ADORA2B: variants seen among roughly 807,000 people sequenced by gnomAD.
The protein encoded by ADORA2B is adenosine receptor A2b.
ADORA2B carries 18 observed loss-of-function variants against 20.8 expected under a neutral mutation model. The ratio of observed to expected loss-of-function variants is 0.87; its 90% CI spans 0.60 to 1.29. The LOEUF (loss-of-function observed/expected upper bound fraction) is 1.29, where lower values mean the gene tolerates loss of function less well. Among genes scored for constraint, ADORA2B ranks in the 50% most tolerant of loss-of-function variants. The pLI is 0.00. For synonymous variants in ADORA2B, 179 were observed against 178.3 expected (o/e 1.00, Z -0.03); for missense variants, 441 against 422.7 (o/e 1.04, Z -0.38).
At chr17:15,927,189 A>G in the ADORA2B span, among the ~76,000 whole-genome samples, 3,802 of 152,144 alleles carry the variant, frequency 0.025, 165 homozygotes, top group African/African-American at 0.087. Context: ...TCTACTAAAA[A>G]TACAAAAAAT....
chr17:15,961,522 T>G (rs1970042849), intron 1 of ADORA2B, among the ~76,000 whole-genome samples: 1 of 152,242 alleles, frequency 6.6e-6, no homozygotes, highest in Non-Finnish European at 1.5e-5. Flanking sequence ...GGTTCTTCAC[T>G]GTAAGGGTAT....
chr17:15,896,126 T>C, the ADORA2B span, among the ~76,000 whole-genome samples: 914 of 152,296 alleles, frequency 6.0e-3, 17 homozygotes, highest in African/African-American at 0.02. Context: ...CTATGCTGCA[T>C]AGAGACCTTA....
Position 15,971,647 on chromosome 17 carries a change from T to G in ADORA2B, c.336-3032T>G, listed in dbSNP as rs1401850867. On this transcript the variant is annotated intron_variant, in intron 1 of 1. Transcript: ENST00000304222. ...AATGGCCATTTTTTTTTTTTTTTTTTGAGATGGAATCTCACTCTGTCGCCC... is the reference window on the plus strand; with the variant it reads ...AATGGCCATTTTTTTTTTTTTTTTTGGAGATGGAATCTCACTCTGTCGCCC... 2.7e-5 allele frequency among the ~76,000 whole-genome samples: 4 copies of G among 147,900 alleles called. No individual in the cohort carries two copies. The East Asian group carries it at 7.9e-4, about 29-fold the overall frequency.
chr17:15,947,309 T>C (rs886147652), intron 1 of ADORA2B, among the ~76,000 whole-genome samples: 1 of 152,222 alleles, frequency 6.6e-6, no homozygotes, highest in African/African-American at 2.4e-5. Flanking sequence ...TGGAAACCCC[T>C]TGGACTTGCC....
rs538382569 is a variant in ADORA2B at position 15,960,853 on chromosome 17, G to A, written c.336-13826G>A. On this transcript the variant is annotated intron_variant, in intron 1 of 1. Transcript: ENST00000304222. ...ATCATGCCACTGCACTCCAGCCTGG[G>A]CGACAGAGCAAGACTCCGTCTCAAA... is the stretch of plus-strand genomic sequence containing the variant. Among the ~76,000 whole-genome samples the A allele has an allele frequency of 4.6e-5, 7 of 150,720 alleles. No individual in the cohort carries two copies. In the South Asian group the frequency reaches 1.5e-3, roughly 32 times the overall value.
chr17:15,868,994 A>C, the ADORA2B span, among the ~76,000 whole-genome samples: 1 of 151,900 alleles, frequency 6.6e-6, no homozygotes, highest in South Asian at 2.1e-4. Context: ...ACTATAATTT[A>C]AAAAATTTAC....
the ADORA2B span, among the ~76,000 whole-genome samples, chr17:15,869,496 G>C: frequency 6.6e-6 from 1 of 152,090 alleles, no homozygotes; most frequent in Non-Finnish European, 1.5e-5. Flanking sequence ...GTTATATTAT[G>C]ACCTATAATT....
the ADORA2B span, among the ~76,000 whole-genome samples, chr17:15,872,884 A>G: frequency 6.6e-6 from 1 of 152,136 alleles, no homozygotes; most frequent in Admixed American, 6.6e-5. Context: ...TCCAATCCGG[A>G]TACCCTTTAT....
At chr17:15,918,689 C>T in the ADORA2B span, among the ~76,000 whole-genome samples, 2 of 152,068 alleles carry the variant, frequency 1.3e-5, no homozygotes, top group African/African-American at 4.8e-5. Context: ...CCAGGCTGGT[C>T]TCAAACTCCT....
the ADORA2B span, among the ~76,000 whole-genome samples, chr17:15,927,674 G>A: frequency 1.1e-4 from 17 of 152,094 alleles, no homozygotes; most frequent in African/African-American, 3.9e-4. Context: ...TAAAAGTAAG[G>A]CCTGGCTAGC....
chr17:15,967,418 A>AGACG (rs942417963), intron 1 of ADORA2B, among the ~76,000 whole-genome samples: 1 of 152,144 alleles, frequency 6.6e-6, no homozygotes, highest in Non-Finnish European at 1.5e-5. Context: ...TTTTTAGTGG[A>AGACG]GACGGCTTCA....
intron 1 of ADORA2B, among the ~76,000 whole-genome samples, chr17:15,965,178 A>C (rs1288755494): frequency 6.6e-6 from 1 of 152,264 alleles, no homozygotes; most frequent in East Asian, 1.9e-4. Flanking sequence ...CTAGTGGTTT[A>C]TAAGCTGAAG....
chr17:15,851,845 C>T, the ADORA2B span, among the ~76,000 whole-genome samples: 14 of 152,224 alleles, frequency 9.2e-5, no homozygotes, highest in South Asian at 1.0e-3. Flanking sequence ...TGTCCTGGCA[C>T]GTTGAAAAAC....
At chr17:15,968,300 T>C (rs1016682940) in intron 1 of ADORA2B, among the ~76,000 whole-genome samples, 3 of 152,126 alleles carry the variant, frequency 2.0e-5, no homozygotes, top group African/African-American at 4.8e-5. Flanking sequence ...AACCCACATA[T>C]ACGGAGGGCT....
At chr17:15,893,187 G>C in the ADORA2B span, among the ~76,000 whole-genome samples, 1 of 152,180 alleles carries the variant, frequency 6.6e-6, no homozygotes, top group East Asian at 1.9e-4. Context: ...CTCTCCTAGA[G>C]ACCTAACCGG....
At chr17:15,911,618 A>ATG in the ADORA2B span, among the ~76,000 whole-genome samples, 7 of 152,262 alleles carry the variant, frequency 4.6e-5, no homozygotes, top group African/African-American at 1.7e-4. Flanking sequence ...CTCTATCCTG[A>ATG]TCCCTTTAGG....
chr17:15,968,840 C>T (rs1181232943), intron 1 of ADORA2B, among the ~76,000 whole-genome samples: 1 of 152,172 alleles, frequency 6.6e-6, no homozygotes, highest in African/African-American at 2.4e-5. Context: ...GCCCAAATAG[C>T]AGGTGCATAG....
chr17:15,891,158 C>T, the ADORA2B span, among the ~76,000 whole-genome samples: 1 of 152,242 alleles, frequency 6.6e-6, no homozygotes, highest in South Asian at 2.1e-4. Flanking sequence ...CCCAGCTACT[C>T]AGGAGGCTGA....
chr17:15,876,734 A>G, the ADORA2B span, among the ~76,000 whole-genome samples: 1 of 151,550 alleles, frequency 6.6e-6, no homozygotes, highest in Non-Finnish European at 1.5e-5. Context: ...TTGTTTTTGC[A>G]TCACTTCAGT....
Sources: gnomAD v4.1 joint callset for allele counts (sites outside exome capture counted in the v4.1 genomes callset) on GRCh38, gnomAD v4.1.1 for gene constraint, MANE v1.5 for transcripts, NCBI Gene and HGNC (gene_info 2026-07-23, HGNC 2026-07-21) for gene names.